Variants in MAST2 observed in about 807,000 individuals in gnomAD.
MAST2 encodes microtubule-associated serine/threonine-protein kinase 2.
MAST2 carries 70 observed loss-of-function variants against 147.4 expected under a neutral mutation model. That is an observed-to-expected ratio of 0.47 (90% CI 0.39 to 0.58). The LOEUF (loss-of-function observed/expected upper bound fraction) is 0.58, where lower values mean the gene tolerates loss of function less well. MAST2 is among the 20% of genes least tolerant of loss of function. The pLI is 0.00. For missense variants in MAST2, 2,080 were observed against 2,302.3 expected, an observed-to-expected ratio of 0.90 and a Z score of 1.98; for synonymous variants, 869 against 896.8, an observed-to-expected ratio of 0.97 and a Z score of 0.55.
At chr1:45,850,865 T>A (rs1645603804) in intron 3 of MAST2, among the ~76,000 whole-genome samples, 1 of 149,894 alleles carries the variant, frequency 6.7e-6, no homozygotes. Context: ...TTAAACACTG[T>A]AGCCTTATAG....
At chr1:45,945,405 A>G (rs187946295) in intron 4 of MAST2, among the ~76,000 whole-genome samples, 70 of 152,360 alleles carry the variant, frequency 4.6e-4, no homozygotes, top group African/African-American at 1.6e-3. Context: ...AAAAGATAAA[A>G]CAACAACCAT....
intron 2 of MAST2, among the ~76,000 whole-genome samples, chr1:45,825,739 G>A (rs966109173): frequency 6.6e-6 from 1 of 151,658 alleles, no homozygotes; most frequent in African/African-American, 2.4e-5. Context: ...CGCCTGCCTG[G>A]GATGTGATTA....
intron 3 of MAST2, among the ~76,000 whole-genome samples, chr1:45,833,602 T>A (rs1645022725): frequency 6.6e-6 from 1 of 152,200 alleles, no homozygotes; most frequent in South Asian, 2.1e-4. Context: ...AGAACTTTGA[T>A]TTCTCTACAT....
At chr1:46,032,825 G>A (rs1002244013) in intron 26 of MAST2, 107 bp downstream of exon 26, 22 of 1,420,480 alleles carry the variant, frequency 1.5e-5, no homozygotes, top group African/African-American at 1.3e-4. Flanking sequence ...CATCTACACC[G>A]AGTATGGATG....
At chr1:45,951,884 A>G (rs1226579061) in intron 4 of MAST2, among the ~76,000 whole-genome samples, 7 of 152,230 alleles carry the variant, frequency 4.6e-5, no homozygotes, top group Admixed American at 6.5e-5. Flanking sequence ...TCATAGAGAT[A>G]ATGACTGAGA....
chr1:45,962,241 G>C (rs1399521985), intron 5 of MAST2, among the ~76,000 whole-genome samples: 1 of 152,188 alleles, frequency 6.6e-6, no homozygotes. Flanking sequence ...ACAAGTACAT[G>C]TGTCTTTATA....
intron 4 of MAST2, among the ~76,000 whole-genome samples, chr1:45,891,054 G>T (rs1272852357): frequency 6.6e-6 from 1 of 152,124 alleles, no homozygotes; most frequent in East Asian, 1.9e-4. Flanking sequence ...AGAAGTAAAA[G>T]AACCACAAAG....
intron 5 of MAST2, among the ~76,000 whole-genome samples, chr1:45,977,479 ACT>A (rs1463007817): frequency 1.4e-5 from 2 of 146,300 alleles, no homozygotes; most frequent in African/African-American, 5.1e-5. Flanking sequence ...CAAGAGGGAA[ACT>A]CTATCTCAAA....
chr1:45,905,825 C>T (rs1377851024), intron 4 of MAST2, among the ~76,000 whole-genome samples: 1 of 152,036 alleles, frequency 6.6e-6, no homozygotes, highest in Non-Finnish European at 1.5e-5. Context: ...CCCTAACCCC[C>T]ATCAAATGGT....
At chr1:45,971,443 C>A (rs145949464) in intron 5 of MAST2, among the ~76,000 whole-genome samples, 1 of 152,302 alleles carries the variant, frequency 6.6e-6, no homozygotes, top group African/African-American at 2.4e-5. Flanking sequence ...GCCTGGAGCA[C>A]ACAGTATCTT....
chr1:45,842,061 G>A (rs1444898813), intron 3 of MAST2, among the ~76,000 whole-genome samples: 4 of 152,012 alleles, frequency 2.6e-5, no homozygotes, highest in Non-Finnish European at 5.9e-5. Flanking sequence ...TTTTGTCTTC[G>A]GATGGTCTGC....
Position 46,010,715 on chromosome 1 carries a change from T to C in MAST2, c.979-15T>C. The C allele has an allele frequency of 1.9e-6, 3 of 1,611,328 alleles. No homozygotes were observed. The highest frequency in any genetic ancestry group is 1.7e-6 in the Non-Finnish European group (2 of 1,179,082). ...AACTAGAAGGGAAGTGTTTCTTTCTTGCTTTTCTTCCCAGGCCACCGCACA... is the reference window on the plus strand; with the variant it reads ...AACTAGAAGGGAAGTGTTTCTTTCTCGCTTTTCTTCCCAGGCCACCGCACA... On this transcript the variant is annotated splice_polypyrimidine_tract_variant and intron_variant, in intron 9 of 28. Transcript: ENST00000361297.
chr1:45,935,405 C>T (rs991895327), intron 4 of MAST2, among the ~76,000 whole-genome samples: 3 of 152,052 alleles, frequency 2.0e-5, no homozygotes, highest in African/African-American at 7.2e-5. Context: ...CTAATTAGGT[C>T]CCATTTGTCA....
At chr1:46,017,281 T>C in intron 10 of MAST2, among the ~76,000 whole-genome samples, 1 of 152,120 alleles carries the variant, frequency 6.6e-6, no homozygotes, top group Non-Finnish European at 1.5e-5. Flanking sequence ...ACTTCATGTC[T>C]AAAGCACCAA....
chr1:46,014,520 G>A (rs1645851439), intron 10 of MAST2, among the ~76,000 whole-genome samples: 1 of 151,620 alleles, frequency 6.6e-6, no homozygotes, highest in African/African-American at 2.4e-5. Context: ...ATTTTTTGTG[G>A]CTGCATAGTA....
chr1:45,933,654 T>A (rs1382220462), intron 4 of MAST2, among the ~76,000 whole-genome samples: 1 of 151,698 alleles, frequency 6.6e-6, no homozygotes, highest in Non-Finnish European at 1.5e-5. Context: ...CTCGGGAGGC[T>A]GAGGCAGGAG....
chr1:45,818,757 C>G (rs1351695289), intron 1 of MAST2, among the ~76,000 whole-genome samples: 1 of 152,182 alleles, frequency 6.6e-6, no homozygotes, highest in East Asian at 1.9e-4. Flanking sequence ...AGCAGTTCCT[C>G]TCCAAATGCA....
At chr1:45,966,543 C>G (rs1302838233) in intron 5 of MAST2, among the ~76,000 whole-genome samples, 1 of 152,080 alleles carries the variant, frequency 6.6e-6, no homozygotes, top group Non-Finnish European at 1.5e-5. Flanking sequence ...CAAGCCGGGC[C>G]AACATGGTGA....
chr1:45,939,990 T>TTTGTTTTTTTTGTTTTTTTTGG (rs1557937979), intron 4 of MAST2, among the ~76,000 whole-genome samples: 1 of 94,366 alleles, frequency 1.1e-5, no homozygotes, highest in Admixed American at 1.2e-4. Context: ...GTTTTTTTTT[T>TTTGTTTTTTTTGTTTTTTTTGG]TTTTTTTTTT....
Sources: gnomAD v4.1 joint callset for allele counts (sites outside exome capture counted in the v4.1 genomes callset) on GRCh38, gnomAD v4.1.1 for gene constraint, MANE v1.5 for transcripts, NCBI Gene and HGNC (gene_info 2026-07-23, HGNC 2026-07-21) for gene names.